SAMSN1: variants seen among roughly 807,000 people sequenced by gnomAD.
SAMSN1 encodes the protein SAM domain, SH3 domain and nuclear localization signals 1, also known as SAM domain-containing protein SAMSN-1.
SAMSN1 carries 31 observed loss-of-function variants against 42.0 expected under a neutral mutation model. The observed-to-expected ratio is 0.74, with a 90% confidence interval of 0.55 to 1.00. The LOEUF (loss-of-function observed/expected upper bound fraction) is 1.00, where lower values mean the gene tolerates loss of function less well. SAMSN1 is among the 50% of genes least tolerant of loss of function. The pLI is 0.00. For missense variants in SAMSN1, 464 were observed against 439.4 expected (o/e 1.06, Z -0.50); for synonymous variants, 178 against 151.9 (o/e 1.17, Z -1.26).
intron 1 of SAMSN1, 137 bp from the exon 2 acceptor site, chr21:14,521,358 T>C (rs1978468177): frequency 1.7e-6 from 1 of 575,476 alleles, no homozygotes; most frequent in Non-Finnish European, 3.1e-6. Context: ...CTCTCTGGAA[T>C]ATCCAAAGGC....
chr21:14,517,163 C>T, intron 2 of SAMSN1, 122 bp from the exon 3 acceptor site: 1 of 843,286 alleles, frequency 1.2e-6, no homozygotes, highest in Non-Finnish European at 1.7e-6. Context: ...GCAGCAGCCT[C>T]CAAAATTTCT....
intron 2 of SAMSN1, among the ~76,000 whole-genome samples, chr21:14,558,790 AT>A (rs1980846101): frequency 6.6e-6 from 1 of 152,236 alleles, no homozygotes; most frequent in African/African-American, 2.4e-5. Flanking sequence ...ATAATGATCT[AT>A]TATTGATCTT....
At chr21:14,607,998 T>A (rs1272314915) in intron 5 of SAMSN1, among the ~76,000 whole-genome samples, 1 of 152,186 alleles carries the variant, frequency 6.6e-6, no homozygotes, top group African/African-American at 2.4e-5. Flanking sequence ...ATAGCTGGCA[T>A]CCATGTGGTA....
At chr21:14,517,154 C>T in intron 2 of SAMSN1, 113 bp from the exon 3 acceptor site, 1 of 900,452 alleles carries the variant, frequency 1.1e-6, no homozygotes, top group Non-Finnish European at 1.6e-6. Context: ...GCATTCTGTG[C>T]AGCAGCCTCC....
intron 2 of SAMSN1, among the ~76,000 whole-genome samples, chr21:14,626,220 C>T (rs1250254257): frequency 6.6e-6 from 1 of 152,158 alleles, no homozygotes; most frequent in East Asian, 1.9e-4. Context: ...TAGGCATGGG[C>T]AAGGACTTCA....
intron 1 of SAMSN1, among the ~76,000 whole-genome samples, chr21:14,533,013 C>T (rs1362093523): frequency 2.0e-5 from 3 of 152,032 alleles, no homozygotes; most frequent in South Asian, 2.1e-4. Flanking sequence ...TCCTAGGCTC[C>T]AGCAATCTCC....
intron 6 of SAMSN1, chr21:14,594,147 T>C: frequency 1.6e-6 from 1 of 619,888 alleles, no homozygotes; most frequent in Non-Finnish European, 2.9e-6. Flanking sequence ...ACAAAAAAAC[T>C]CCACAAAGCT....
At chr21:14,503,341 A>G (rs1987257887) in intron 5 of SAMSN1, among the ~76,000 whole-genome samples, 1 of 152,148 alleles carries the variant, frequency 6.6e-6, no homozygotes, top group Non-Finnish European at 1.5e-5. Context: ...GAGGCTTAGA[A>G]TGGACTCCAG....
chr21:14,600,308 T>C (rs1982396047), intron 6 of SAMSN1, among the ~76,000 whole-genome samples: 1 of 152,194 alleles, frequency 6.6e-6, no homozygotes, highest in Non-Finnish European at 1.5e-5. Context: ...AATTAATATT[T>C]TGCATAACAC....
chr21:14,555,231 C>T (rs1980726506), intron 2 of SAMSN1, among the ~76,000 whole-genome samples: 1 of 152,216 alleles, frequency 6.6e-6, no homozygotes, highest in Non-Finnish European at 1.5e-5. Flanking sequence ...CGTGCTCCAA[C>T]TCTCCATTCA....
intron 2 of SAMSN1, among the ~76,000 whole-genome samples, chr21:14,637,176 T>G (rs1983489855): frequency 6.6e-6 from 1 of 152,228 alleles, no homozygotes; most frequent in African/African-American, 2.4e-5. Context: ...TTTAATTTAA[T>G]TTTAATTTTA....
chr21:14,599,789 T>C (rs1982380551), intron 6 of SAMSN1, among the ~76,000 whole-genome samples: 1 of 152,180 alleles, frequency 6.6e-6, no homozygotes, highest in Non-Finnish European at 1.5e-5. Context: ...TCTTGAACTT[T>C]CCAGCCATCA....
chr21:14,508,186 T>G (rs139349517), intron 5 of SAMSN1, among the ~76,000 whole-genome samples: 1,606 of 152,184 alleles, frequency 0.011, 34 homozygotes, highest in African/African-American at 0.037. Context: ...GCAAATGCAA[T>G]AAAAACAAAG....
chr21:14,583,674 C>T, upstream of SAMSN1: 1 of 717,400 alleles, frequency 1.4e-6, no homozygotes, highest in Admixed American at 2.0e-5. Context: ...GTCGGTTTCA[C>T]CTCATCCAGA....
chr21:14,596,670 G>A (rs779994154), intron 6 of SAMSN1, among the ~76,000 whole-genome samples: 10 of 152,234 alleles, frequency 6.6e-5, no homozygotes, highest in Non-Finnish European at 8.8e-5. Flanking sequence ...CAGCCTCATG[G>A]ATAGACCAAA....
At chr21:14,551,409 T>C (rs1980592164) in intron 2 of SAMSN1, among the ~76,000 whole-genome samples, 1 of 152,048 alleles carries the variant, frequency 6.6e-6, no homozygotes, top group Non-Finnish European at 1.5e-5. Context: ...CCTTACAAGA[T>C]GTTTGAATGT....
chr21:14,491,948 A>G (rs1986704634), intron 7 of SAMSN1, among the ~76,000 whole-genome samples: 1 of 152,178 alleles, frequency 6.6e-6, no homozygotes, highest in African/African-American at 2.4e-5. Flanking sequence ...CACATTTAAC[A>G]TATTTTTAAA....
At chr21:14,658,552 C>T (rs1176635918) in intron 1 of SAMSN1, among the ~76,000 whole-genome samples, 1 of 151,858 alleles carries the variant, frequency 6.6e-6, no homozygotes. Context: ...CTTTTTAATA[C>T]TTGTCTTTGA....
Position 14,618,697 on chromosome 21 carries a change from C to T in SAMSN1, c.157-2681G>A, listed in dbSNP as rs1440804793. Among the ~76,000 whole-genome samples, 489 of 120,130 alleles carry T rather than the reference C, an allele frequency of 4.1e-3. 1 individual carries two copies. Among genetic ancestry groups the T allele is most frequent in the African/African-American group, 0.015 (372 of 24,816 alleles). 78.8% of individuals were successfully genotyped at this position (120,130 alleles called of 152,430 possible). A position where few individuals can be genotyped will look rare whatever the true frequency, so the allele number is the denominator to read the frequency against. On this transcript the variant is annotated intron_variant, in intron 2 of 15. Coordinates refer to the SAMSN1 transcript ENST00000647101. Reference sequence around the variant, plus strand: ...GTGTGTGTGTGTGTGTGTGTGCGCGCGCGCGCACGCGCGTGTGTGTGTGTG... The same window carrying T: ...GTGTGTGTGTGTGTGTGTGTGCGCGTGCGCGCACGCGCGTGTGTGTGTGTG...
Sources: gnomAD v4.1 joint callset for allele counts (sites outside exome capture counted in the v4.1 genomes callset) on GRCh38, gnomAD v4.1.1 for gene constraint, MANE v1.5 for transcripts, NCBI Gene and HGNC (gene_info 2026-07-23, HGNC 2026-07-21) for gene names.